Variants in HS6ST3 observed in about 807,000 individuals in gnomAD.
HS6ST3 encodes the protein heparan sulfate 6-O-sulfotransferase 3, also known as heparan-sulfate 6-O-sulfotransferase 3.
HS6ST3 carries 12 observed loss-of-function variants against 36.7 expected under a neutral mutation model. The observed-to-expected ratio is 0.33, with a 90% CI of 0.21 to 0.53. The LOEUF (loss-of-function observed/expected upper bound fraction) is 0.53, where lower values mean the gene tolerates loss of function less well. HS6ST3 is among the 20% of genes least tolerant of loss of function. The probability of loss-of-function intolerance (pLI) is 0.95; values close to 1 mark genes in which losing one functional copy is unlikely to be tolerated. For synonymous variants in HS6ST3, 240 were observed against 257.5 expected (o/e 0.93, Z 0.65); for missense variants, 584 against 640.9 (o/e 0.91, Z 0.96).
chr13:96,580,193 C>CATATATATATATATATATAT (rs3051282), intron 1 of HS6ST3, among the ~76,000 whole-genome samples: 2 of 140,528 alleles, frequency 1.4e-5, no homozygotes, highest in South Asian at 4.7e-4. Context: ...CCCATCCAGA[C>CATATATATATATATATATAT]ATATATATAT....
intron 1 of HS6ST3, among the ~76,000 whole-genome samples, chr13:96,205,349 A>T (rs769828434): frequency 1.3e-5 from 2 of 152,078 alleles, no homozygotes; most frequent in African/African-American, 2.4e-5. Context: ...CCTACCAACC[A>T]AAAAAAGCCC....
chr13:96,577,817 C>T (rs910883286), intron 1 of HS6ST3, among the ~76,000 whole-genome samples: 12 of 152,164 alleles, frequency 7.9e-5, no homozygotes, highest in African/African-American at 2.2e-4. Flanking sequence ...GTTAGAATGG[C>T]GATCATTAAA....
chr13:96,586,908 T>G (rs774540740), intron 1 of HS6ST3, among the ~76,000 whole-genome samples: 1 of 152,212 alleles, frequency 6.6e-6, no homozygotes, highest in Non-Finnish European at 1.5e-5. Flanking sequence ...TCTCCTAATA[T>G]TCTTCTAATA....
chr13:96,152,873 T>C (rs1433197232), intron 1 of HS6ST3, among the ~76,000 whole-genome samples: 1 of 152,196 alleles, frequency 6.6e-6, no homozygotes, highest in Non-Finnish European at 1.5e-5. Flanking sequence ...ACACAAATTC[T>C]GTGCTCTAAT....
At chr13:96,749,306 A>T (rs182578083) in intron 1 of HS6ST3, among the ~76,000 whole-genome samples, 2 of 152,220 alleles carry the variant, frequency 1.3e-5, no homozygotes, top group Non-Finnish European at 2.9e-5. Context: ...TGAAAAAAGC[A>T]TAATATGTAC....
Position 96,456,205 on chromosome 13 carries a change from A to G in HS6ST3, c.707+364636A>G, listed in dbSNP as rs112265501. Among the ~76,000 whole-genome samples the G allele has an allele frequency of 2.6e-5, 4 of 152,310 alleles. No individual in the cohort carries two copies. The South Asian group carries it at 8.3e-4, about 32-fold the overall frequency. ...CCAGGAATAGAATTACTGTATAATC[A>G]CTGCTTTGTTATAATTACTGATGTG... is the stretch of plus-strand genomic sequence containing the variant. On this transcript the variant is annotated intron_variant, in intron 1 of 1. Coordinates refer to ENST00000376705, the MANE Select transcript of HS6ST3 (RefSeq NM_153456.4).
At chr13:96,614,305 A>C (rs1293235959) in intron 1 of HS6ST3, among the ~76,000 whole-genome samples, 11 of 147,494 alleles carry the variant, frequency 7.5e-5, no homozygotes, top group Non-Finnish European at 1.5e-4. Context: ...CTCAAAAAAA[A>C]AAAAAAAAAA....
chr13:96,488,945 A>G (rs2055930785), intron 1 of HS6ST3, among the ~76,000 whole-genome samples: 1 of 152,066 alleles, frequency 6.6e-6, no homozygotes, highest in Admixed American at 6.6e-5. Flanking sequence ...AAGAATGTAC[A>G]TACCATGGTA....
At chr13:96,438,675 T>C (rs774273957) in intron 1 of HS6ST3, among the ~76,000 whole-genome samples, 4 of 152,244 alleles carry the variant, frequency 2.6e-5, no homozygotes, top group Non-Finnish European at 5.9e-5. Flanking sequence ...TGACCAATAA[T>C]GCCTGTAGAT....
chr13:96,345,980 A>G (rs2055152087), intron 1 of HS6ST3, among the ~76,000 whole-genome samples: 1 of 152,188 alleles, frequency 6.6e-6, no homozygotes, highest in Non-Finnish European at 1.5e-5. Context: ...GATTCTCATA[A>G]GGAGCACGCA....
chr13:96,137,675 C>T lies in HS6ST3; in HGVS notation c.707+46106C>T, dbSNP rs934752868. 2.0e-5 allele frequency among the ~76,000 whole-genome samples: 3 copies of T among 152,270 alleles called. No homozygotes were observed. The South Asian group carries it at 6.2e-4, about 32-fold the overall frequency. ...TCTTGAACTCCTGACCCATGATCCA[C>T]CCACGTTGGCCTCCCAAAGTACTGG... On this transcript the variant is annotated intron_variant, in intron 1 of 1. Coordinates refer to ENST00000376705, the MANE Select transcript of HS6ST3 (RefSeq NM_153456.4).
At chr13:96,446,172 CAA>C (rs200986173) in intron 1 of HS6ST3, among the ~76,000 whole-genome samples, 27 of 97,870 alleles carry the variant, frequency 2.8e-4, no homozygotes, top group Admixed American at 3.4e-4. Flanking sequence ...GACTCCATCT[CAA>C]AAAAAAAAAA....
intron 1 of HS6ST3, among the ~76,000 whole-genome samples, chr13:96,181,107 C>T (rs1390262180): frequency 6.6e-6 from 1 of 152,162 alleles, no homozygotes; most frequent in African/African-American, 2.4e-5. Flanking sequence ...TTCAATTTTA[C>T]TCTGCATGTA....
At chr13:96,510,607 G>T (rs1389562741) in intron 1 of HS6ST3, among the ~76,000 whole-genome samples, 1 of 152,100 alleles carries the variant, frequency 6.6e-6, no homozygotes, top group Non-Finnish European at 1.5e-5. Flanking sequence ...GCCTTAGTGT[G>T]TTGGCTTTCT....
At chr13:96,764,595 C>A (rs1260243924) in intron 1 of HS6ST3, among the ~76,000 whole-genome samples, 2 of 152,308 alleles carry the variant, frequency 1.3e-5, no homozygotes, top group East Asian at 3.9e-4. Context: ...GTCTTTCCAG[C>A]CATGCCATCT....
chr13:96,180,337 C>T (rs2139339614), intron 1 of HS6ST3, among the ~76,000 whole-genome samples: 1 of 152,274 alleles, frequency 6.6e-6, no homozygotes, highest in African/African-American at 2.4e-5. Flanking sequence ...GTTTTTCCTA[C>T]CAGGAAGAGA....
chr13:96,097,106 G>A (rs1173010740), intron 1 of HS6ST3, among the ~76,000 whole-genome samples: 1 of 152,154 alleles, frequency 6.6e-6, no homozygotes, highest in African/African-American at 2.4e-5. Flanking sequence ...AGTTTTTTGA[G>A]TAGTGAAGAC....
At chr13:96,562,171 A>G (rs1295880587) in intron 1 of HS6ST3, among the ~76,000 whole-genome samples, 1 of 152,240 alleles carries the variant, frequency 6.6e-6, no homozygotes, top group Non-Finnish European at 1.5e-5. Flanking sequence ...TGTGGTACAT[A>G]TACAACATGG....
At chr13:96,142,826 C>T (rs959334799) in intron 1 of HS6ST3, among the ~76,000 whole-genome samples, 5 of 151,940 alleles carry the variant, frequency 3.3e-5, no homozygotes, top group Non-Finnish European at 7.4e-5. Context: ...AATCCTTCTA[C>T]TTATTAAAGT....
Sources: allele counts gnomAD v4.1 joint callset (sites outside exome capture counted in the v4.1 genomes callset), GRCh38; gene constraint gnomAD v4.1.1; transcripts MANE v1.5; gene names NCBI Gene and HGNC (gene_info 2026-07-23, HGNC 2026-07-21).